The following MYO18A variants were observed in gnomAD, a reference collection of about 807,000 sequenced individuals.
The protein encoded by MYO18A is unconventional myosin-XVIIIa.
In MYO18A, 78 loss-of-function variants were observed where a neutral mutation model predicts 235.8. The ratio of observed to expected loss-of-function variants is 0.33; its 90% CI spans 0.28 to 0.40. The LOEUF is 0.40. Among genes scored for constraint, MYO18A ranks in the 10% least tolerant of loss-of-function variants. The probability of loss-of-function intolerance (pLI) is 1.00; values close to 1 mark genes in which losing one functional copy is unlikely to be tolerated. For missense variants in MYO18A, 2,215 were observed against 2,699.3 expected, an observed-to-expected ratio of 0.82 and a Z score of 3.98; for synonymous variants, 977 against 1,077.8, an observed-to-expected ratio of 0.91 and a Z score of 1.83.
intron 2 of MYO18A, among the ~76,000 whole-genome samples, chr17:29,130,476 A>C (rs2874356): frequency 0.067 from 739 of 11,060 alleles, 6 homozygotes; most frequent in Non-Finnish European, 0.074. Flanking sequence ...GGCCTCTCCC[A>C]CACACACACA....
At chr17:29,151,377 G>T (rs2067960881) in intron 2 of MYO18A, among the ~76,000 whole-genome samples, 1 of 152,182 alleles carries the variant, frequency 6.6e-6, no homozygotes, top group South Asian at 2.1e-4. Flanking sequence ...GGGCAGGTCT[G>T]GTCTAGAGGT....
chr17:29,140,479 T>A lies in MYO18A; in HGVS notation c.1000-18226A>T, dbSNP rs1018097603. On this transcript the variant is annotated intron_variant, in intron 2 of 41. Coordinates refer to ENST00000527372, the MANE Select transcript of MYO18A (RefSeq NM_078471.4). The surrounding 1 kb of genome is among the most constrained non-coding windows in gnomAD (Gnocchi z 4.2). ...CTCCCCGGCCCCTCCCGTCCCGAGC[T>A]GCCCAGCCCTAGTTGGAGCCAGCAG... 8.5e-6 allele frequency: 10 copies of A among 1,173,992 alleles called. No individual in the cohort carries two copies. The highest frequency in any genetic ancestry group is 7.1e-5 in the Admixed American group (2 of 28,042). The allele number at this position is 1,173,992 out of a possible 1,614,324, so 72.7% of individuals were successfully genotyped here. A position where few individuals can be genotyped will look rare whatever the true frequency, so the allele number is the denominator to read the frequency against.
chr17:29,115,187 T>G, intron 13 of MYO18A, 88 bp from the exon 14 acceptor site: 1 of 1,465,820 alleles, frequency 6.8e-7, no homozygotes, highest in East Asian at 2.4e-5. Flanking sequence ...CCTCTATCCC[T>G]GCCCAGGACC....
rs997767094 is a variant in MYO18A, at chr17:29,109,898, G to A, written c.3291C>T (p.Arg1097=). The change falls in exon 19 of 42, where the codon CGC becomes CGT. Residue 1097 remains arginine, a synonymous_variant. Coordinates refer to ENST00000527372, the MANE Select transcript of MYO18A (RefSeq NM_078471.4). This position sits in a 1 kb window ranked among gnomAD's most constrained non-coding sequence, Gnocchi z 4.1. Reference sequence around the variant, plus strand: ...GCATGGCATCGAGCAGGCGGGAGCCGCGGAGCTGGGTGCGGAGCAGGGGCA... The same window carrying A: ...GCATGGCATCGAGCAGGCGGGAGCCACGGAGCTGGGTGCGGAGCAGGGGCA... The part of the protein sequence containing the change: ...LDVPLLRTQL[R]GSRLLDAMRM... The A allele has an allele frequency of 2.5e-6, 4 of 1,574,736 alleles. No individual in the cohort carries two copies. Among genetic ancestry groups the A allele is most frequent in the South Asian group, 2.3e-5 (2 of 86,168 alleles).
Position 29,119,434 on chromosome 17 carries a change from G to T in MYO18A, c.1730C>A (p.Thr577Lys). The change falls in exon 8 of 42, where the codon ACA (threonine) becomes AAA (lysine). Residue 577 changes from threonine (T) to lysine (K), a missense_variant and splice_region_variant. By Grantham distance (78) the Thr-to-Lys change is moderately conservative. Coordinates refer to ENST00000527372, the MANE Select transcript of MYO18A (RefSeq NM_078471.4). ...AGQVASASIQ[T>K]MLLEKLRVAR... ...CACACGCAGCTTCTCCAGAAGCATT[G>T]TCTGTGACACAGCATGGACGTGTGG... The T allele has an allele frequency of 6.2e-7, 1 of 1,608,586 alleles. No individual in the cohort carries two copies. The highest frequency in any genetic ancestry group is 8.5e-7 in the Non-Finnish European group (1 of 1,177,858).
At chr17:29,177,172 A>G (rs1472375948) in intron 1 of MYO18A, among the ~76,000 whole-genome samples, 1 of 152,188 alleles carries the variant, frequency 6.6e-6, no homozygotes, top group East Asian at 1.9e-4. Flanking sequence ...CTGGAGAGCT[A>G]TTCTGCTCAA....
At chr17:29,174,515 A>C (rs1434534935) in intron 1 of MYO18A, among the ~76,000 whole-genome samples, 1 of 151,998 alleles carries the variant, frequency 6.6e-6, no homozygotes, top group African/African-American at 2.4e-5. Context: ...AAAATAAAAA[A>C]AATAAAAAAA....
intron 19 of MYO18A, among the ~76,000 whole-genome samples, chr17:29,108,400 C>CA (rs1347899277): frequency 6.6e-6 from 1 of 152,190 alleles, no homozygotes; most frequent in Non-Finnish European, 1.5e-5. Flanking sequence ...TACCAGAGCC[C>CA]AGGGTGGAGG....
intron 39 of MYO18A, 46 bp from the exon 40 acceptor site, chr17:29,085,694 G>C: frequency 1.2e-6 from 2 of 1,605,892 alleles, no homozygotes; most frequent in Non-Finnish European, 1.7e-6. Context: ...AGAGGAAACA[G>C]ATGAAATCAA....
intron 37 of MYO18A, among the ~76,000 whole-genome samples, chr17:29,089,451 G>C (rs2066341580): frequency 7.4e-6 from 1 of 134,230 alleles, no homozygotes; most frequent in African/African-American, 2.8e-5. Context: ...AAAAAATGAA[G>C]GGAGAAGAAA....
At chr17:29,175,754 T>C (rs937318303) in intron 1 of MYO18A, among the ~76,000 whole-genome samples, 3 of 152,080 alleles carry the variant, frequency 2.0e-5, no homozygotes, top group Non-Finnish European at 4.4e-5. Flanking sequence ...AAAATATATA[T>C]AACAAGCTTT....
At chr17:29,152,931 T>A (rs552175676) in intron 2 of MYO18A, among the ~76,000 whole-genome samples, 2 of 152,210 alleles carry the variant, frequency 1.3e-5, no homozygotes, top group African/African-American at 4.8e-5. Context: ...CGCAGGCTGG[T>A]CTTGAACTCC....
chr17:29,092,093 G>C (rs2066410908), intron 34 of MYO18A, among the ~76,000 whole-genome samples: 2 of 152,200 alleles, frequency 1.3e-5, no homozygotes. Flanking sequence ...AGCTCCCGTA[G>C]GCAGGTGGTT....
chr17:29,109,751 G>T lies in MYO18A; in HGVS notation c.3331+107C>A. On this transcript the variant is annotated intron_variant, in intron 19 of 41. Transcript: ENST00000527372. This position sits in a 1 kb window ranked among gnomAD's most constrained non-coding sequence, Gnocchi z 4.1. ...CAGAGCAGAAAGGATCGTGAGGAAA[G>T]ACAGGAGCAGCCCCACTGCAGCCCA... The T allele has an allele frequency of 1.5e-6, 2 of 1,373,974 alleles. No homozygotes were observed. The highest frequency in any genetic ancestry group is 2.0e-6 in the Non-Finnish European group (2 of 1,007,248). 85.1% of individuals were successfully genotyped at this position (1,373,974 alleles called of 1,614,324 possible). A position where few individuals can be genotyped will look rare whatever the true frequency, so the allele number is the denominator to read the frequency against.
At chr17:29,142,725 C>T (rs1051716928) in intron 2 of MYO18A, among the ~76,000 whole-genome samples, 1 of 152,228 alleles carries the variant, frequency 6.6e-6, no homozygotes, top group African/African-American at 2.4e-5. Context: ...GTATGACCTC[C>T]AGGGCCACAC....
chr17:29,122,131 T>A (rs1051659751), intron 3 of MYO18A, 35 bp downstream of exon 3: 6 of 1,597,958 alleles, frequency 3.8e-6, no homozygotes, highest in Non-Finnish European at 5.1e-6. Context: ...GACCAGTGAG[T>A]CCTGACATGT....
chr17:29,139,807 T>C (rs1278009582), intron 2 of MYO18A, among the ~76,000 whole-genome samples: 1 of 152,142 alleles, frequency 6.6e-6, no homozygotes, highest in Non-Finnish European at 1.5e-5. Context: ...GAGGTGGCCA[T>C]GCTAAGACTA....
intron 41 of MYO18A, chr17:29,079,899 G>C: frequency 1.0e-6 from 1 of 985,908 alleles, no homozygotes; most frequent in African/African-American, 1.7e-5. Context: ...CGGTCGAGCC[G>C]CTGGATGACG....
At chr17:29,148,423 G>C (rs971690188) in intron 2 of MYO18A, among the ~76,000 whole-genome samples, 3 of 152,210 alleles carry the variant, frequency 2.0e-5, no homozygotes, top group Non-Finnish European at 4.4e-5. Flanking sequence ...TGAAGTGGGA[G>C]GGCCCAGCCA....
Sources: gnomAD v4.1 joint callset for allele counts (sites outside exome capture counted in the v4.1 genomes callset) on GRCh38, gnomAD v4.1.1 for gene constraint, Gnocchi (gnomAD v3.1) non-coding constraint, MANE v1.5 for transcripts, NCBI Gene and HGNC (gene_info 2026-07-23, HGNC 2026-07-21) for gene names.